ATAD2B: variants seen among roughly 807,000 people sequenced by gnomAD.
The protein encoded by ATAD2B is ATPase family AAA domain-containing protein 2B.
ATAD2B carries 40 observed loss-of-function variants against 167.6 expected under a neutral mutation model. That is an observed-to-expected ratio of 0.24 (90% CI 0.19 to 0.31). The LOEUF is 0.31. Among genes scored for constraint, ATAD2B ranks in the 10% least tolerant of loss-of-function variants. The pLI is 1.00. For missense variants in ATAD2B, 1,242 were observed against 1,757.2 expected (o/e 0.71, Z 5.24); for synonymous variants, 579 against 596.5 (o/e 0.97, Z 0.43).
chr2:23,926,846 G>A lies in ATAD2B; in HGVS notation c.-76C>T, dbSNP rs1024427705. ...GGCCGGCCCGCCGGCCGGTCAGTCA[G>A]GGCCAGCGGAGCCGAGCCGGGCAAT... On this transcript the variant is annotated 5_prime_UTR_variant, in exon 1 of 28. Transcript: ENST00000238789. 1.4e-5 allele frequency: 20 copies of A among 1,438,230 alleles called. No homozygotes were observed. The Admixed American group carries it at 3.5e-4, about 25-fold the overall frequency. 89.1% of individuals were successfully genotyped at this position (1,438,230 alleles called of 1,614,324 possible). A position where few individuals can be genotyped will look rare whatever the true frequency, so the allele number is the denominator to read the frequency against.
chr2:23,880,703 T>G lies in ATAD2B; in HGVS notation c.837A>C (p.Glu279Asp). Reference sequence around the variant, plus strand: ...GTCTCAAATTATATGGTCTATCATTTTCTTCTCCTTCTGCCTCTTCAACTT... The same window carrying G: ...GTCTCAAATTATATGGTCTATCATTGTCTTCTCCTTCTGCCTCTTCAACTT... ...DIEVEEAEGE[E>D]NDRPYNLRQR... Residue 279 changes from glutamate to aspartate, a missense_variant, in exon 7 of 28, where the codon GAA (glutamate) becomes GAC (aspartate). Glu to Asp is a conservative substitution (Grantham distance 45). Coordinates refer to ENST00000238789, the MANE Select transcript of ATAD2B (RefSeq NM_017552.4). 8 of 1,610,764 alleles carry G rather than the reference T, an allele frequency of 5.0e-6. No individual in the cohort carries two copies. Among genetic ancestry groups the G allele is most frequent in the Non-Finnish European group, 6.8e-6 (8 of 1,178,150 alleles).
At chr2:23,792,657 T>G (rs948857587) in intron 19 of ATAD2B, among the ~76,000 whole-genome samples, 9 of 152,010 alleles carry the variant, frequency 5.9e-5, no homozygotes, top group Admixed American at 2.6e-4. Flanking sequence ...ACTATCCTAT[T>G]TCACTTAGGG....
chr2:23,770,556 G>A (rs1041987157), intron 22 of ATAD2B, among the ~76,000 whole-genome samples: 8 of 151,860 alleles, frequency 5.3e-5, no homozygotes, highest in African/African-American at 1.9e-4. Flanking sequence ...GTCTTTTTTT[G>A]CATGCTGATA....
chr2:23,763,512 T>C (rs1677008659), intron 23 of ATAD2B, among the ~76,000 whole-genome samples: 1 of 152,218 alleles, frequency 6.6e-6, no homozygotes, highest in African/African-American at 2.4e-5. Flanking sequence ...TAGACTTGCC[T>C]TTTCTGGACA....
At chr2:23,755,921 G>A (rs1242081458) in intron 25 of ATAD2B, among the ~76,000 whole-genome samples, 2 of 152,062 alleles carry the variant, frequency 1.3e-5, no homozygotes, top group Admixed American at 1.3e-4. Flanking sequence ...ACTTCTAGAG[G>A]CCTGAAAACT....
At chr2:23,879,593 GAAC>G (rs1373992982) in intron 7 of ATAD2B, among the ~76,000 whole-genome samples, 1 of 152,116 alleles carries the variant, frequency 6.6e-6, no homozygotes, top group African/African-American at 2.4e-5. Context: ...ACTGCACCAT[GAAC>G]AACATAGTGA....
chr2:23,839,140 C>G (rs1452858832), intron 13 of ATAD2B, among the ~76,000 whole-genome samples: 1 of 152,118 alleles, frequency 6.6e-6, no homozygotes, highest in Non-Finnish European at 1.5e-5. Flanking sequence ...TAGCATCTAT[C>G]TACAGGTTGC....
At chr2:23,786,273 C>T (rs1680796758) in intron 20 of ATAD2B, 50 bp from the exon 21 acceptor site, 9 of 1,424,812 alleles carry the variant, frequency 6.3e-6, no homozygotes, top group Non-Finnish European at 8.5e-6. Flanking sequence ...TGGGCCAGGA[C>T]CCTTTTTTGG....
At chr2:23,875,009 T>G (rs1696608915) in intron 8 of ATAD2B, among the ~76,000 whole-genome samples, 1 of 148,310 alleles carries the variant, frequency 6.7e-6, no homozygotes, top group Non-Finnish European at 1.5e-5. Context: ...CGACCCAAGA[T>G]TGCCCCACTG....
At chr2:23,829,108 C>A (rs1458279311) in intron 14 of ATAD2B, among the ~76,000 whole-genome samples, 169 bp from the exon 15 acceptor site, 1 of 152,070 alleles carries the variant, frequency 6.6e-6, no homozygotes, top group Non-Finnish European at 1.5e-5. Context: ...TACATCAACT[C>A]TGATTCCAAC....
intron 13 of ATAD2B, among the ~76,000 whole-genome samples, chr2:23,836,579 C>A (rs1173112524): frequency 6.6e-6 from 1 of 152,130 alleles, no homozygotes. Context: ...GGAGGGTGAG[C>A]AAGGCGAAGA....
At chr2:23,719,913 C>T in the ATAD2B span, among the ~76,000 whole-genome samples, 1 of 152,200 alleles carries the variant, frequency 6.6e-6, no homozygotes, top group African/African-American at 2.4e-5. Context: ...TGTTAAGCAG[C>T]GCCATGCTGT....
chr2:23,843,389 TGG>T (rs1415100601), intron 13 of ATAD2B, among the ~76,000 whole-genome samples: 7 of 152,228 alleles, frequency 4.6e-5, no homozygotes, highest in Admixed American at 4.6e-4. Context: ...AGGCATGTCA[TGG>T]CTAAACTGTT....
intron 25 of ATAD2B, 109 bp from the exon 26 acceptor site, chr2:23,754,883 G>C: frequency 2.6e-6 from 3 of 1,166,724 alleles, no homozygotes; most frequent in Non-Finnish European, 3.6e-6. Context: ...TTGGAATGAG[G>C]AAGGGTGTAT....
Position 23,757,476 on chromosome 2 carries a change from A to G in ATAD2B, c.4020T>C (p.Asn1340=), listed in dbSNP as rs764060301. Residue 1340 remains asparagine, a synonymous_variant, in exon 25 of 28, where the codon AAT becomes AAC. Coordinates refer to ENST00000238789, the MANE Select transcript of ATAD2B (RefSeq NM_017552.4). ...CATCAGAGCCAGGTTCTAACTTCTC[A>G]TTATTGCTACATTCCAGTGCCTCTA... The part of the protein sequence containing the change: ...EKLEALECSN[N]EKLEPGSDVE... 12 of 1,532,812 alleles carry G rather than the reference A, an allele frequency of 7.8e-6. No homozygotes were observed. The highest frequency in any genetic ancestry group is 1.3e-5 in the South Asian group (1 of 74,388). The allele number at this position is 1,532,812 out of a possible 1,614,324, so 95.0% of individuals were successfully genotyped here.
At chr2:23,695,260 G>A in the ATAD2B span, among the ~76,000 whole-genome samples, 11 of 152,068 alleles carry the variant, frequency 7.2e-5, no homozygotes, top group Non-Finnish European at 5.9e-5. This position sits in a 1 kb window ranked among gnomAD's most constrained non-coding sequence, Gnocchi z 7.6. Context: ...TAATAATCGC[G>A]TCTTCCTCAT....
downstream of ATAD2B, among the ~76,000 whole-genome samples, chr2:23,747,069 G>C (rs1674926426): frequency 6.6e-6 from 1 of 151,902 alleles, no homozygotes; most frequent in South Asian, 2.1e-4. Context: ...AAATGATTAA[G>C]GTAAATTTGT....
At chr2:23,696,889 T>A in the ATAD2B span, 3 of 183,772 alleles carry the variant, frequency 1.6e-5, no homozygotes, top group Non-Finnish European at 2.3e-5. The surrounding 1 kb of genome is among the most constrained non-coding windows in gnomAD (Gnocchi z 5.5). Flanking sequence ...GCCCAGAGAC[T>A]GCTGGGGTTT....
chr2:23,811,780 ATAAAT>A (rs1274001359), intron 17 of ATAD2B, among the ~76,000 whole-genome samples: 2 of 152,196 alleles, frequency 1.3e-5, no homozygotes, highest in Non-Finnish European at 2.9e-5. Context: ...TAGGTTGTTT[ATAAAT>A]TAATCTGTTT....
Sources: allele counts gnomAD v4.1 joint callset (sites outside exome capture counted in the v4.1 genomes callset), GRCh38; gene constraint gnomAD v4.1.1; non-coding constraint Gnocchi (gnomAD v3.1); transcripts MANE v1.5; gene names NCBI Gene and HGNC (gene_info 2026-07-23, HGNC 2026-07-21).